The following PTPRN2 variants were observed in gnomAD, a reference collection of about 807,000 sequenced individuals.
PTPRN2 encodes the protein receptor-type tyrosine-protein phosphatase N2.
Under a neutral mutation model 118.8 loss-of-function variants are expected in PTPRN2, and 74 were observed. The observed-to-expected ratio is 0.62, with a 90% confidence interval of 0.52 to 0.76. The LOEUF (loss-of-function observed/expected upper bound fraction) is 0.76. PTPRN2 is among the 30% of genes least tolerant of loss of function. The pLI is 0.00. For synonymous variants in PTPRN2, 641 were observed against 608.0 expected (o/e 1.05, Z -0.80); for missense variants, 1,481 against 1,394.4 (o/e 1.06, Z -0.99).
intron 3 of PTPRN2, among the ~76,000 whole-genome samples, chr7:158,242,545 C>T (rs934598739): frequency 2.0e-5 from 3 of 152,086 alleles, no homozygotes; most frequent in East Asian, 1.9e-4. Context: ...ATGATGGCCT[C>T]GTAAAATCTG....
intron 2 of PTPRN2, among the ~76,000 whole-genome samples, chr7:158,458,283 G>A (rs1399695224): frequency 1.3e-5 from 2 of 152,122 alleles, no homozygotes; most frequent in Non-Finnish European, 2.9e-5. Context: ...CCAGGAAGTG[G>A]GCCGGGCGAG....
chr7:158,059,327 C>CACATCACT (rs2128905280), intron 11 of PTPRN2, among the ~76,000 whole-genome samples: 1 of 130,490 alleles, frequency 7.7e-6, no homozygotes, highest in Non-Finnish European at 1.6e-5. Flanking sequence ...CACACAGTGA[C>CACATCACT]GCATCACTGC....
chr7:157,941,937 G>GCAA (rs1800154334), intron 11 of PTPRN2, among the ~76,000 whole-genome samples: 1 of 152,130 alleles, frequency 6.6e-6, no homozygotes, highest in South Asian at 2.1e-4. Flanking sequence ...GTCCCCTGCA[G>GCAA]CAACACACAG....
At chr7:157,768,376 C>T (rs921739780) in intron 12 of PTPRN2, among the ~76,000 whole-genome samples, 3 of 152,222 alleles carry the variant, frequency 2.0e-5, no homozygotes, top group East Asian at 1.9e-4. Flanking sequence ...CAGAACCGCA[C>T]GCTACATCCT....
intron 2 of PTPRN2, among the ~76,000 whole-genome samples, chr7:158,488,931 G>A (rs992932245): frequency 6.6e-6 from 1 of 152,232 alleles, no homozygotes; most frequent in Non-Finnish European, 1.5e-5. Context: ...CGTTCAGAGC[G>A]CACAGCGCCC....
chr7:158,070,307 CCT>C (rs1811115781), intron 11 of PTPRN2, among the ~76,000 whole-genome samples: 2 of 140,706 alleles, frequency 1.4e-5, no homozygotes, highest in Admixed American at 6.8e-5. Context: ...TGGAGGTGCT[CCT>C]GGTGGTGGAG....
intron 19 of PTPRN2, among the ~76,000 whole-genome samples, chr7:157,575,342 C>G (rs79117925): frequency 0.039 from 5,966 of 152,118 alleles, 270 homozygotes; most frequent in East Asian, 0.13. Flanking sequence ...AGGAAATTAG[C>G]GTGGGTGAGG....
At chr7:157,833,503 G>A (rs578011640) in intron 12 of PTPRN2, among the ~76,000 whole-genome samples, 56 of 141,076 alleles carry the variant, frequency 4.0e-4, no homozygotes, top group Non-Finnish European at 6.9e-4. Flanking sequence ...AGTATGCGAC[G>A]TGGCCGGCGC....
chr7:157,748,562 T>A lies in PTPRN2; in HGVS notation c.1789-65625A>T, dbSNP rs1476525714. Among the ~76,000 whole-genome samples the A allele has an allele frequency of 1.6e-4, 24 of 149,178 alleles. 1 individual carries two copies. Among genetic ancestry groups the A allele is most frequent in the African/African-American group, 5.5e-4 (22 of 40,292 alleles). On this transcript the variant is annotated intron_variant, in intron 12 of 22. Transcript: ENST00000389418. ...TGTCCGGGTGATTCTGAGGCCTGCG[T>A]CCCTGAGCTCTGGGGTGTCTGGGTG...
rs144094287 is a variant in PTPRN2, at chr7:157,699,628, A to G, written c.1789-16691T>C. On this transcript the variant is annotated intron_variant, in intron 12 of 22. Transcript: ENST00000389418. ...TTTTTAGTAAAGACAGGGTTTTGCC[A>G]TCTTGGCCAGGCTGTTCTTGAGCTC... Among the ~76,000 whole-genome samples the G allele has an allele frequency of 3.9e-3, 588 of 152,250 alleles. 2 individuals are homozygous for G. Among genetic ancestry groups the G allele is most frequent in the Middle Eastern group, 0.014 (4 of 294 alleles).
intron 12 of PTPRN2, among the ~76,000 whole-genome samples, chr7:157,826,923 C>T (rs1480149300): frequency 2.0e-5 from 3 of 152,176 alleles, no homozygotes; most frequent in Non-Finnish European, 4.4e-5. Context: ...ATCCCACAGG[C>T]ACCAGAGGGG....
intron 11 of PTPRN2, among the ~76,000 whole-genome samples, chr7:158,016,063 C>T (rs941944912): frequency 1.3e-5 from 2 of 152,154 alleles, no homozygotes; most frequent in Non-Finnish European, 2.9e-5. Flanking sequence ...TTTCCTCGTT[C>T]AGGGAATAAG....
At chr7:158,475,010 G>A (rs1733126) in intron 2 of PTPRN2, among the ~76,000 whole-genome samples, 105,552 of 152,042 alleles carry the variant, frequency 0.69, 36,887 homozygotes, top group Admixed American at 0.78. Flanking sequence ...GGTGGTCCTC[G>A]TTCAGCTCCA....
In PTPRN2 at chr7:157,801,967, C is replaced by G. The variant is rs1323129828; in HGVS notation, c.1788+96706G>C. The stretch of plus-strand genomic sequence containing the variant: ...TGGGCCGCACGCTCTGGGGCGGCTC[C>G]TGACCTTTTCTGGCTTGTGGCACCT... On this transcript the variant is annotated intron_variant, in intron 12 of 22. Transcript: ENST00000389418. The surrounding 1 kb of genome is among the most constrained non-coding windows in gnomAD (Gnocchi z 4.2). 6.6e-6 allele frequency among the ~76,000 whole-genome samples: 1 copy of G among 152,190 alleles called. No homozygotes were observed. Among genetic ancestry groups the G allele is most frequent in the African/African-American group, 2.4e-5 (1 of 41,444 alleles).
intron 3 of PTPRN2, among the ~76,000 whole-genome samples, chr7:158,265,598 G>C (rs1444787956): frequency 6.6e-6 from 1 of 152,210 alleles, no homozygotes; most frequent in Non-Finnish European, 1.5e-5. Flanking sequence ...TCTGGGTGAA[G>C]GGATCACCTG....
intron 11 of PTPRN2, among the ~76,000 whole-genome samples, chr7:157,959,440 A>G (rs949570560): frequency 7.2e-5 from 11 of 152,278 alleles, no homozygotes; most frequent in Non-Finnish European, 1.0e-4. Flanking sequence ...AACCCAAAGA[A>G]TGAGAGAAAA....
rs954283902 is a variant in PTPRN2, at chr7:157,676,897, G to A, written c.2001+5828C>T. On this transcript the variant is annotated intron_variant, in intron 13 of 22. Transcript: ENST00000389418. The surrounding 1 kb of genome is among the most constrained non-coding windows in gnomAD (Gnocchi z 5.6). ...CTTTGACGAGAAGGAAGTGTTCTCT[G>A]GTTCTGGCAGAGAAATGTGTGAGGC... Among the ~76,000 whole-genome samples the A allele has an allele frequency of 6.6e-6, 1 of 151,396 alleles. No individual in the cohort carries two copies. Among genetic ancestry groups the A allele is most frequent in the Admixed American group, 6.6e-5 (1 of 15,134 alleles).
At chr7:157,865,227 C>T (rs1234811084) in intron 12 of PTPRN2, 3 of 152,336 alleles carry the variant, frequency 2.0e-5, no homozygotes, top group Non-Finnish European at 4.4e-5. Context: ...CCCTGAGGGG[C>T]TGCAGGTTGG....
intron 11 of PTPRN2, among the ~76,000 whole-genome samples, chr7:157,952,462 G>A (rs561981109): frequency 2.4e-5 from 3 of 125,640 alleles, no homozygotes; most frequent in African/African-American, 5.2e-5. Flanking sequence ...TGCCTGAGAC[G>A]GGGTGGGGGA....
Sources: gnomAD v4.1 joint callset for allele counts (sites outside exome capture counted in the v4.1 genomes callset) on GRCh38, gnomAD v4.1.1 for gene constraint, Gnocchi (gnomAD v3.1) non-coding constraint, MANE v1.5 for transcripts, NCBI Gene and HGNC (gene_info 2026-07-23, HGNC 2026-07-21) for gene names.